Variants in ATP6V1B2 observed in about 807,000 individuals in gnomAD.
ATP6V1B2 encodes the protein ATPase H+ transporting V1 subunit B2, also known as V-type proton ATPase subunit B, brain isoform.
ATP6V1B2 carries 23 observed loss-of-function variants against 66.7 expected under a neutral mutation model. That is an observed-to-expected ratio of 0.34 (90% CI 0.25 to 0.49). The LOEUF (loss-of-function observed/expected upper bound fraction) is 0.49. Ranked by LOEUF, ATP6V1B2 falls within the 20% of genes least tolerant of loss-of-function variation. The pLI is 0.99. For synonymous variants in ATP6V1B2, 278 were observed against 236.7 expected (o/e 1.17, Z -1.60); for missense variants, 478 against 650.8 (o/e 0.73, Z 2.89).
intron 2 of ATP6V1B2, among the ~76,000 whole-genome samples, chr8:20,207,982 A>G (rs555434687): frequency 1.6e-4 from 25 of 152,366 alleles, no homozygotes; most frequent in African/African-American, 5.5e-4. Context: ...CAGTATTGGT[A>G]CAAGTTAGGA....
chr8:20,213,857 T>C (rs1482900446), intron 9 of ATP6V1B2: 1 of 152,162 alleles, frequency 6.6e-6, no homozygotes, highest in Non-Finnish European at 1.5e-5. Flanking sequence ...GACTAGTTTT[T>C]CTCCCCCATC....
chr8:20,203,423 T>G (rs1382859105), intron 1 of ATP6V1B2, among the ~76,000 whole-genome samples: 1 of 152,200 alleles, frequency 6.6e-6, no homozygotes, highest in Non-Finnish European at 1.5e-5. Context: ...GTGGACAGAC[T>G]GGTTAGTAAA....
At chr8:20,219,348 A>G (rs1293255391) in intron 13 of ATP6V1B2, among the ~76,000 whole-genome samples, 1 of 152,074 alleles carries the variant, frequency 6.6e-6, no homozygotes, top group Non-Finnish European at 1.5e-5. Context: ...TTTGTGTGCC[A>G]TTGCCAGGGT....
At chr8:20,210,923 G>A (rs888968048) in intron 5 of ATP6V1B2, among the ~76,000 whole-genome samples, 1 of 151,844 alleles carries the variant, frequency 6.6e-6, no homozygotes, top group African/African-American at 2.4e-5. Flanking sequence ...TCTCTTATTT[G>A]CTATATCTTT....
At position 20,211,258 on chromosome 8, in the gene ATP6V1B2, G is replaced by C. The variant is rs1007200968; in HGVS notation, c.545G>C (p.Ser182Thr). ...ATTTCGGCCATCGATGGGATGAACAGTATTGCTAGGGGGCAGAAAATTCCT... is the reference window on the plus strand; with the variant it reads ...ATTTCGGCCATCGATGGGATGAACACTATTGCTAGGGGGCAGAAAATTCCT... Reference protein sequence around the residue: ...TGISAIDGMNSIARGQKIPIF... With the variant: ...TGISAIDGMNTIARGQKIPIF... The change falls in exon 6 of 14, where the codon AGT (serine) becomes ACT (threonine). Residue 182 changes from serine (S) to threonine (T), a missense_variant. Around this residue, in one of 2 missense-constraint regions of ATP6V1B2, gnomAD observed 326 missense variants for 545.6 expected, o/e 0.60. Transcript: ENST00000276390. 1.1e-5 allele frequency: 18 copies of C among 1,613,424 alleles called. No homozygotes were observed. The highest frequency in any genetic ancestry group is 1.4e-5 in the Non-Finnish European group (17 of 1,179,804).
At chr8:20,212,973 T>C (rs1563812830) in intron 9 of ATP6V1B2, 68 bp downstream of exon 9, 4 of 1,587,642 alleles carry the variant, frequency 2.5e-6, no homozygotes, top group Non-Finnish European at 3.4e-6. Context: ...CTTGTCACTT[T>C]GCAAGTTTTC....
chr8:20,213,110 C>T (rs2128886075), intron 9 of ATP6V1B2: 1 of 571,178 alleles, frequency 1.8e-6, no homozygotes, highest in Admixed American at 3.5e-5. Flanking sequence ...AAATGGTTAG[C>T]CTGTTTATCA....
chr8:20,214,210 A>G (rs2072826982), intron 9 of ATP6V1B2: 1 of 152,252 alleles, frequency 6.6e-6, no homozygotes, highest in Admixed American at 6.5e-5. Flanking sequence ...TCTGGTATCC[A>G]TGTCTCTAAG....
intron 13 of ATP6V1B2, among the ~76,000 whole-genome samples, chr8:20,218,836 A>G (rs1205682997): frequency 6.6e-6 from 1 of 152,106 alleles, no homozygotes; most frequent in Non-Finnish European, 1.5e-5. Flanking sequence ...TGCCTTAGGA[A>G]CACCGTTGTT....
intron 1 of ATP6V1B2, among the ~76,000 whole-genome samples, chr8:20,201,692 C>T (rs1236373794): frequency 6.6e-6 from 1 of 152,108 alleles, no homozygotes; most frequent in East Asian, 1.9e-4. Flanking sequence ...CTTATCAGGG[C>T]CTTAGTTTCC....
Position 20,221,694 on chromosome 8 carries a change from T to C in ATP6V1B2, c.*1292T>C, listed in dbSNP as rs1336946207. ...AATAAATGTTAAATTAAATGGACCT[T>C]AACTAAAGTGACTCTCTATCTTCTA... On this transcript the variant is annotated 3_prime_UTR_variant, in exon 14 of 14. Coordinates refer to ENST00000276390, the MANE Select transcript of ATP6V1B2 (RefSeq NM_001693.4). The C allele has an allele frequency of 6.6e-6, 1 of 152,628 alleles. No homozygotes were observed. Among genetic ancestry groups the C allele is most frequent in the African/African-American group, 2.4e-5 (1 of 41,456 alleles). 9.5% of individuals were successfully genotyped at this position (152,628 alleles called of 1,614,324 possible). A position where few individuals can be genotyped will look rare whatever the true frequency, so the allele number is the denominator to read the frequency against.
At chr8:20,207,364 T>C (rs956545988) in intron 2 of ATP6V1B2, among the ~76,000 whole-genome samples, 5 of 152,130 alleles carry the variant, frequency 3.3e-5, no homozygotes, top group African/African-American at 1.2e-4. Context: ...TTAGGGCAAT[T>C]GGTTTCCCAT....
At chr8:20,218,117 C>G in intron 12 of ATP6V1B2, 36 bp from the exon 13 acceptor site, 1 of 1,602,730 alleles carries the variant, frequency 6.2e-7, no homozygotes, top group Non-Finnish European at 8.5e-7. Flanking sequence ...ATTTTGAGAG[C>G]TTCTCTCTGC....
At chr8:20,204,704 CT>C (rs763459289) in intron 2 of ATP6V1B2, among the ~76,000 whole-genome samples, 165 bp downstream of exon 2, 112 of 152,254 alleles carry the variant, frequency 7.4e-4, no homozygotes, top group Middle Eastern at 3.4e-3. Context: ...ATCAGATACC[CT>C]GGGCTAAGAT....
In ATP6V1B2 at chr8:20,212,860, G is replaced by T; in HGVS notation, c.882G>T (p.Leu294Phe). ...FLAYQCEKHV[L>F]VILTDMSSYA... ...CGTACCAATGTGAGAAACATGTATT[G>T]GTTATTCTAACAGACATGAGTTCTT... Residue 294 changes from leucine (L) to phenylalanine (F), a missense_variant, in exon 9 of 14, where the codon TTG (leucine) becomes TTT (phenylalanine). Transcript: ENST00000276390. 1 of 1,613,686 alleles carries T rather than the reference G, an allele frequency of 6.2e-7. No individual in the cohort carries two copies. Among genetic ancestry groups the T allele is most frequent in the South Asian group, 1.1e-5 (1 of 91,080 alleles).
In ATP6V1B2 at chr8:20,212,170, C is replaced by T. The variant is rs772425223; in HGVS notation, c.774C>T (p.Cys258=). The T allele has an allele frequency of 1.3e-5, 21 of 1,613,486 alleles. No individual in the cohort carries two copies. Among genetic ancestry groups the T allele is most frequent in the Non-Finnish European group, 1.6e-5 (19 of 1,179,752 alleles). ...AAAATGGCTCAATGGACAATGTCTG[C>T]CTCTTTTTGAACTTGGCTAATGACC... ...FEENGSMDNV[C]LFLNLANDPT... is the part of the protein sequence containing the mutation. Residue 258 remains cysteine (C), a synonymous_variant, in exon 8 of 14, where the codon TGC becomes TGT. Coordinates refer to ENST00000276390, the MANE Select transcript of ATP6V1B2 (RefSeq NM_001693.4).
At chr8:20,203,885 G>T in intron 1 of ATP6V1B2, 1 of 425,246 alleles carries the variant, frequency 2.4e-6, no homozygotes, top group Non-Finnish European at 4.7e-6. Flanking sequence ...TCTTTCCATT[G>T]CCTACTCCGT....
chr8:20,215,886 G>A (rs1362214332), intron 10 of ATP6V1B2: 1 of 152,322 alleles, frequency 6.6e-6, no homozygotes, highest in Non-Finnish European at 1.5e-5. Context: ...GTGAAATGTT[G>A]TGTATCCATC....
At chr8:20,202,718 A>G (rs551111663) in intron 1 of ATP6V1B2, among the ~76,000 whole-genome samples, 53 of 152,316 alleles carry the variant, frequency 3.5e-4, no homozygotes, top group Non-Finnish European at 6.2e-4. Context: ...CAGACCTATA[A>G]AGGAGATACA....
Sources: allele counts gnomAD v4.1 joint callset (sites outside exome capture counted in the v4.1 genomes callset), GRCh38; gene constraint gnomAD v4.1.1; regional missense constraint gnomAD v4.1.1; transcripts MANE v1.5; gene names NCBI Gene and HGNC (gene_info 2026-07-23, HGNC 2026-07-21).